KAZN: variants seen among roughly 807,000 people sequenced by gnomAD.
The protein encoded by KAZN is kazrin, periplakin interacting protein.
Under a neutral mutation model 87.4 loss-of-function variants are expected in KAZN, and 40 were observed. That is an observed-to-expected ratio of 0.46 (90% CI 0.36 to 0.60). The LOEUF (loss-of-function observed/expected upper bound fraction) is 0.60. Among genes scored for constraint, KAZN ranks in the 20% least tolerant of loss-of-function variants. The pLI is 0.00. For missense variants in KAZN, 898 were observed against 1,073.9 expected (o/e 0.84, Z 2.29); for synonymous variants, 466 against 458.3 (o/e 1.02, Z -0.22).
chr1:15,053,990 C>T (rs1334463775), intron 4 of KAZN, among the ~76,000 whole-genome samples: 1 of 152,118 alleles, frequency 6.6e-6, no homozygotes. Flanking sequence ...TTTCACTATA[C>T]AGATGGGGAA....
In KAZN at chr1:14,777,448, T is replaced by C. The variant is rs182102402; in HGVS notation, c.226+178225T>C. Among the ~76,000 whole-genome samples the C allele has an allele frequency of 6.9e-3, 1,057 of 152,282 alleles. 7 individuals are homozygous for C. Among genetic ancestry groups the C allele is most frequent in the Non-Finnish European group, 9.2e-3 (626 of 68,018 alleles). ...AGCACCATGAAGTACAACTTCTCCCTCCGAGGGCCTCCTCATGCTGCCAGG... is the reference window on the plus strand; with the variant it reads ...AGCACCATGAAGTACAACTTCTCCCCCCGAGGGCCTCCTCATGCTGCCAGG... On this transcript the variant is annotated intron_variant, in intron 1 of 14. Coordinates refer to ENST00000376030, the MANE Select transcript of KAZN (RefSeq NM_201628.3).
rs1553191662 is a variant in KAZN at position 15,109,937 on chromosome 1, G to GTGTGTGTT, written c.2049-2485_2049-2484insGTTTGTGT. ...TGTTTGTGTATGGGTGTGTGTGTGT[G>GTGTGTGTT]TGTGTTTGTGTATGTGTTTGTATAT... On this transcript the variant is annotated intron_variant, in intron 13 of 14. Coordinates refer to ENST00000376030, the MANE Select transcript of KAZN (RefSeq NM_201628.3). Among the ~76,000 whole-genome samples the GTGTGTGTT allele has an allele frequency of 2.5e-4, 35 of 140,558 alleles. No homozygotes were observed. The South Asian group carries it at 2.9e-3, about 12-fold the overall frequency. 92.2% of individuals were successfully genotyped at this position (140,558 alleles called of 152,430 possible).
chr1:14,916,837 C>G (rs1657868688), intron 1 of KAZN, among the ~76,000 whole-genome samples: 1 of 152,076 alleles, frequency 6.6e-6, no homozygotes, highest in East Asian at 1.9e-4. Context: ...TTGCTTGAGC[C>G]CAGGAGTTTG....
intron 2 of KAZN, among the ~76,000 whole-genome samples, chr1:14,330,834 CTA>C (rs1656804251): frequency 6.6e-6 from 1 of 152,118 alleles, no homozygotes; most frequent in Non-Finnish European, 1.5e-5. Flanking sequence ...TAAAACAAAA[CTA>C]TATGTGTAAA....
At chr1:14,721,789 C>T (rs926697255) in intron 1 of KAZN, among the ~76,000 whole-genome samples, 1 of 152,134 alleles carries the variant, frequency 6.6e-6, no homozygotes, top group Non-Finnish European at 1.5e-5. Flanking sequence ...GTCAATCAAC[C>T]CCTCAGCTCT....
intron 2 of KAZN, among the ~76,000 whole-genome samples, chr1:14,415,607 C>G (rs6699064): frequency 0.32 from 49,342 of 151,970 alleles, 8,444 homozygotes; most frequent in Non-Finnish European, 0.39. Context: ...AACCAGTGGC[C>G]GTTAAGAATG....
intron 2 of KAZN, among the ~76,000 whole-genome samples, chr1:15,012,420 G>C (rs762653250): frequency 6.6e-6 from 1 of 152,160 alleles, no homozygotes; most frequent in African/African-American, 2.4e-5. Context: ...GAGTAAGGAT[G>C]GGGGGTTGGA....
rs1284159826 is a variant in KAZN at position 14,735,523 on chromosome 1, T to C, written c.226+136300T>C. Among the ~76,000 whole-genome samples the C allele has an allele frequency of 6.6e-6, 1 of 152,106 alleles. No individual in the cohort carries two copies. The highest frequency in any genetic ancestry group is 2.4e-5 in the African/African-American group (1 of 41,408). ...TACACAAAGCCTGAGTGTCAAAGCCTCGCTGGTAGCCAGGCTCAGAGAGAA... is the reference window on the plus strand; with the variant it reads ...TACACAAAGCCTGAGTGTCAAAGCCCCGCTGGTAGCCAGGCTCAGAGAGAA... On this transcript the variant is annotated intron_variant, in intron 1 of 14. Coordinates refer to ENST00000376030, the MANE Select transcript of KAZN (RefSeq NM_201628.3). The surrounding 1 kb of genome is among the most constrained non-coding windows in gnomAD (Gnocchi z 4.3).
chr1:14,922,111 TC>T (rs1280152456), intron 1 of KAZN, among the ~76,000 whole-genome samples: 2 of 152,238 alleles, frequency 1.3e-5, no homozygotes, highest in Non-Finnish European at 2.9e-5. Context: ...AGACTATGTT[TC>T]TTTGCGGAAG....
chr1:14,693,967 T>C (rs1641462772), intron 1 of KAZN, among the ~76,000 whole-genome samples: 2 of 152,210 alleles, frequency 1.3e-5, no homozygotes, highest in South Asian at 4.2e-4. Flanking sequence ...GCATGCAGTC[T>C]AAGCATGATT....
At chr1:14,517,992 G>A (rs1671385365) in intron 2 of KAZN, among the ~76,000 whole-genome samples, 1 of 152,156 alleles carries the variant, frequency 6.6e-6, no homozygotes, top group South Asian at 2.1e-4. Flanking sequence ...GTTTCAGAAT[G>A]AGTGATGGGT....
At chr1:14,402,238 CAAA>C (rs58468082) in intron 2 of KAZN, among the ~76,000 whole-genome samples, 1 of 140,268 alleles carries the variant, frequency 7.1e-6, no homozygotes, top group African/African-American at 2.6e-5. Flanking sequence ...TTCTATAGGC[CAAA>C]AAAAAAAAAA....
chr1:14,731,928 G>T (rs1490308497), intron 1 of KAZN, among the ~76,000 whole-genome samples: 1 of 152,224 alleles, frequency 6.6e-6, no homozygotes, highest in Non-Finnish European at 1.5e-5. Context: ...AAAGCACAGG[G>T]TCTGTGCTCA....
At chr1:15,034,343 G>C (rs1461026817) in intron 2 of KAZN, among the ~76,000 whole-genome samples, 1 of 152,248 alleles carries the variant, frequency 6.6e-6, no homozygotes, top group African/African-American at 2.4e-5. Flanking sequence ...GCTGGACTGA[G>C]TGGTTCCAGT....
chr1:13,925,455 G>A (rs1640235674), intron 1 of KAZN, among the ~76,000 whole-genome samples: 1 of 152,170 alleles, frequency 6.6e-6, no homozygotes, highest in Non-Finnish European at 1.5e-5. Context: ...AGTGACTTTT[G>A]GGCAAAGATC....
intron 1 of KAZN, among the ~76,000 whole-genome samples, chr1:14,036,330 G>C (rs1227135026): frequency 1.3e-5 from 2 of 152,178 alleles, no homozygotes; most frequent in Non-Finnish European, 2.9e-5. Flanking sequence ...AAATCATGTG[G>C]CTGTTCAGGC....
At chr1:14,267,826 G>A (rs1375513792) in intron 2 of KAZN, among the ~76,000 whole-genome samples, 1 of 152,106 alleles carries the variant, frequency 6.6e-6, no homozygotes, top group African/African-American at 2.4e-5. Flanking sequence ...CAGGCATGGT[G>A]GTGCACACCT....
At chr1:14,479,566 T>A (rs1007341565) in intron 2 of KAZN, among the ~76,000 whole-genome samples, 1 of 152,172 alleles carries the variant, frequency 6.6e-6, no homozygotes, top group Non-Finnish European at 1.5e-5. Flanking sequence ...GGAATTCCCT[T>A]CCCATTTGCA....
At chr1:14,050,520 T>A (rs1414154269) in intron 1 of KAZN, among the ~76,000 whole-genome samples, 5 of 152,150 alleles carry the variant, frequency 3.3e-5, no homozygotes, top group Admixed American at 2.0e-4. Flanking sequence ...TATGTGACAG[T>A]GCAGGAAATA....
Sources: gnomAD v4.1 joint callset for allele counts (sites outside exome capture counted in the v4.1 genomes callset) on GRCh38, gnomAD v4.1.1 for gene constraint, Gnocchi (gnomAD v3.1) non-coding constraint, MANE v1.5 for transcripts, NCBI Gene and HGNC (gene_info 2026-07-23, HGNC 2026-07-21) for gene names.